Variants in NXPH1 observed in about 807,000 individuals in gnomAD.
NXPH1 encodes the protein neurexophilin-1.
Under a neutral mutation model 23.7 loss-of-function variants are expected in NXPH1, and 5 were observed. That is an observed-to-expected ratio of 0.21 (90% CI 0.11 to 0.44). The LOEUF is 0.44. Among genes scored for constraint, NXPH1 ranks in the 20% least tolerant of loss-of-function variants. NXPH1 has a pLI of 0.99. For missense variants in NXPH1, 324 were observed against 321.6 expected (o/e 1.01, Z -0.06); for synonymous variants, 144 against 122.2 (o/e 1.18, Z -1.18).
At chr7:8,680,395 A>T (rs1223299056) in intron 2 of NXPH1, among the ~76,000 whole-genome samples, 1 of 152,222 alleles carries the variant, frequency 6.6e-6, no homozygotes, top group African/African-American at 2.4e-5. Flanking sequence ...GTAAAGTTAA[A>T]AAGATATGCA....
At chr7:8,545,413 G>C (rs1818184251) in intron 2 of NXPH1, among the ~76,000 whole-genome samples, 1 of 151,368 alleles carries the variant, frequency 6.6e-6, no homozygotes, top group South Asian at 2.1e-4. Flanking sequence ...AATAGTATTA[G>C]AAAAATGCCT....
chr7:8,749,062 T>G (rs1320044272), intron 2 of NXPH1, among the ~76,000 whole-genome samples: 1 of 152,182 alleles, frequency 6.6e-6, no homozygotes, highest in Non-Finnish European at 1.5e-5. Context: ...TTTTCCACAT[T>G]CCAAGCACTT....
At chr7:8,480,130 T>G (rs1043944127) in intron 2 of NXPH1, among the ~76,000 whole-genome samples, 1 of 152,166 alleles carries the variant, frequency 6.6e-6, no homozygotes, top group Non-Finnish European at 1.5e-5. Context: ...ATGAGATTTC[T>G]TAGGTAGCTG....
At chr7:8,690,643 A>G (rs1821208057) in intron 2 of NXPH1, among the ~76,000 whole-genome samples, 2 of 152,198 alleles carry the variant, frequency 1.3e-5, no homozygotes, top group Non-Finnish European at 2.9e-5. Flanking sequence ...AAATGGAATA[A>G]AGTGCATTTG....
At position 8,634,665 on chromosome 7, in the gene NXPH1, GTTTTTTTTTTT is replaced by G. The variant is rs144810873; in HGVS notation, c.55-116323_55-116313del. Among the ~76,000 whole-genome samples, 361 of 95,694 alleles carry G rather than the reference GTTTTTTTTTTT, an allele frequency of 3.8e-3. 4 individuals carry two copies. The highest frequency in any genetic ancestry group is 0.011 in the African/African-American group (319 of 28,282). 62.8% of individuals were successfully genotyped at this position (95,694 alleles called of 152,430 possible). On this transcript the variant is annotated intron_variant, in intron 2 of 2. Transcript: ENST00000405863. ...TGCATGGTAGAGATTGTCCAGAAGAGTTTTTTTTTTTTTTTTTTTTTTTTTTTTTTCCAAAG... is the reference window on the plus strand; with the variant it reads ...TGCATGGTAGAGATTGTCCAGAAGAGTTTTTTTTTTTTTTTTTTTCCAAAG...
intron 2 of NXPH1, among the ~76,000 whole-genome samples, chr7:8,693,056 G>T (rs1056419116): frequency 2.0e-5 from 3 of 152,080 alleles, no homozygotes; most frequent in African/African-American, 7.2e-5. Flanking sequence ...GGCAAGTGAA[G>T]GGGCAAGGAG....
intron 2 of NXPH1, among the ~76,000 whole-genome samples, chr7:8,683,200 C>T (rs914112904): frequency 6.6e-6 from 1 of 152,146 alleles, no homozygotes; most frequent in African/African-American, 2.4e-5. Context: ...ATGTCAGGCT[C>T]TTTTAAACAA....
intron 2 of NXPH1, among the ~76,000 whole-genome samples, chr7:8,686,859 G>A (rs1474767798): frequency 6.6e-6 from 1 of 152,028 alleles, no homozygotes; most frequent in East Asian, 1.9e-4. Flanking sequence ...TGTATTTATG[G>A]CCAAGGATGC....
Position 8,690,825 on chromosome 7 carries a change from A to G in NXPH1, c.55-60183A>G, listed in dbSNP as rs1032636252. 1.7e-4 allele frequency among the ~76,000 whole-genome samples: 26 copies of G among 152,308 alleles called. No individual in the cohort carries two copies. The South Asian group carries it at 2.5e-3, about 15-fold the overall frequency. On this transcript the variant is annotated intron_variant, in intron 2 of 2. Transcript: ENST00000405863. Reference sequence around the variant, plus strand: ...GTTTGTGACATCCCTGCCAACATCAATAACCTGCTGCTTCCCTTTCCTGGC... The same window carrying G: ...GTTTGTGACATCCCTGCCAACATCAGTAACCTGCTGCTTCCCTTTCCTGGC...
chr7:8,468,210 A>C (rs1042237752), intron 2 of NXPH1, among the ~76,000 whole-genome samples: 1 of 152,102 alleles, frequency 6.6e-6, no homozygotes, highest in African/African-American at 2.4e-5. Flanking sequence ...ATAAATCTAG[A>C]ACTTGGCTAG....
intron 2 of NXPH1, among the ~76,000 whole-genome samples, chr7:8,738,937 C>A (rs1015738901): frequency 6.6e-6 from 1 of 151,976 alleles, no homozygotes; most frequent in Non-Finnish European, 1.5e-5. Flanking sequence ...AGGGGAAAAT[C>A]GCCTACTCAA....
rs1346282917 is a variant in NXPH1, at chr7:8,680,863, G to A, written c.55-70145G>A. 2.0e-5 allele frequency among the ~76,000 whole-genome samples: 3 copies of A among 152,298 alleles called. No homozygotes were observed. In the East Asian group the frequency reaches 5.8e-4, roughly 29 times the overall value. ...AAAACAGCTCCTGCATAAGCCATGA[G>A]GAAAATTTCTATTAACAGAATATTA... On this transcript the variant is annotated intron_variant, in intron 2 of 2. Coordinates refer to ENST00000405863, the MANE Select transcript of NXPH1 (RefSeq NM_152745.3).
rs1288694817 is a variant in NXPH1 at position 8,751,800 on chromosome 7, A to T, written c.*31A>T. 3 of 1,568,336 alleles carry T rather than the reference A, an allele frequency of 1.9e-6. No individual in the cohort carries two copies. The highest frequency in any genetic ancestry group is 2.6e-6 in the Non-Finnish European group (3 of 1,159,800). On this transcript the variant is annotated 3_prime_UTR_variant, in exon 3 of 3. Coordinates refer to ENST00000405863, the MANE Select transcript of NXPH1 (RefSeq NM_152745.3). This position sits in a 1 kb window ranked among gnomAD's most constrained non-coding sequence, Gnocchi z 4.5. ...AACATGGGGGTGAGACTGAAGCCTGAGGAATTAAAGGTCATATGACAGGGC... is the reference window on the plus strand; with the variant it reads ...AACATGGGGGTGAGACTGAAGCCTGTGGAATTAAAGGTCATATGACAGGGC...
intron 2 of NXPH1, among the ~76,000 whole-genome samples, chr7:8,720,228 C>A (rs915092972): frequency 6.6e-6 from 1 of 152,304 alleles, no homozygotes; most frequent in South Asian, 2.1e-4. Flanking sequence ...ATAGGTAGTA[C>A]AACCACCTTT....
At chr7:8,521,456 G>A (rs748216722) in intron 2 of NXPH1, among the ~76,000 whole-genome samples, 1 of 152,102 alleles carries the variant, frequency 6.6e-6, no homozygotes, top group Non-Finnish European at 1.5e-5. Context: ...TCACTTCTGG[G>A]CCAAGGCATT....
intron 2 of NXPH1, among the ~76,000 whole-genome samples, chr7:8,529,584 C>T (rs540931363): frequency 1.3e-5 from 2 of 152,184 alleles, no homozygotes; most frequent in Admixed American, 6.5e-5. Context: ...AGGCAGCCTG[C>T]ATTCAAGTCT....
At chr7:8,750,977 T>A in intron 2 of NXPH1, 31 bp from the exon 3 acceptor site, 1 of 1,606,992 alleles carries the variant, frequency 6.2e-7, no homozygotes. Context: ...GATGCAGAGA[T>A]GTAAATGCCA....
At chr7:8,611,401 C>G (rs1003915228) in intron 2 of NXPH1, among the ~76,000 whole-genome samples, 25 of 152,118 alleles carry the variant, frequency 1.6e-4, no homozygotes, top group African/African-American at 6.0e-4. Context: ...GACCACCATT[C>G]TACAGATTAC....
At chr7:8,669,207 G>A (rs1377355747) in intron 2 of NXPH1, among the ~76,000 whole-genome samples, 1 of 152,184 alleles carries the variant, frequency 6.6e-6, no homozygotes, top group Non-Finnish European at 1.5e-5. Flanking sequence ...GGGCAGACAT[G>A]GAGCATGCGT....
Sources: allele counts gnomAD v4.1 joint callset (sites outside exome capture counted in the v4.1 genomes callset), GRCh38; gene constraint gnomAD v4.1.1; non-coding constraint Gnocchi (gnomAD v3.1); transcripts MANE v1.5; gene names NCBI Gene and HGNC (gene_info 2026-07-23, HGNC 2026-07-21).